The following INSYN2A variants were observed in gnomAD, a reference collection of about 807,000 sequenced individuals.
The protein encoded by INSYN2A is family with sequence similarity 196 member A.
Under a neutral mutation model 39.4 loss-of-function variants are expected in INSYN2A, and 17 were observed. The observed-to-expected ratio is 0.43, with a 90% CI of 0.30 to 0.65. The LOEUF (loss-of-function observed/expected upper bound fraction) is 0.65, where lower values mean the gene tolerates loss of function less well. INSYN2A is among the 30% of genes least tolerant of loss of function. The pLI, the probability that INSYN2A is intolerant of heterozygous loss-of-function variation, is 0.14. For missense variants in INSYN2A, 595 were observed against 631.2 expected (o/e 0.94, Z 0.61); for synonymous variants, 255 against 265.7 (o/e 0.96, Z 0.39).
chr10:127,144,947 A>G, intron 5 of INSYN2A, among the ~76,000 whole-genome samples: 1 of 151,580 alleles, frequency 6.6e-6, no homozygotes, highest in African/African-American at 2.4e-5. Context: ...TTATGATTAT[A>G]GTTTTTTTAA....
At chr10:127,185,076 C>T (rs887000564) in intron 2 of INSYN2A, among the ~76,000 whole-genome samples, 1 of 152,310 alleles carries the variant, frequency 6.6e-6, no homozygotes, top group South Asian at 2.1e-4. Context: ...AGGGTAGGCT[C>T]TACCTGGGAG....
intron 2 of INSYN2A, among the ~76,000 whole-genome samples, chr10:127,192,092 G>A (rs578137687): frequency 6.6e-6 from 1 of 152,254 alleles, no homozygotes; most frequent in African/African-American, 2.4e-5. Context: ...CATTCTATTG[G>A]ATAGAATAGT....
chr10:127,170,357 A>C (rs1424595510), intron 4 of INSYN2A, among the ~76,000 whole-genome samples: 3 of 152,180 alleles, frequency 2.0e-5, no homozygotes, highest in Non-Finnish European at 4.4e-5. Flanking sequence ...CCAAGCCTGC[A>C]GGTAACACCC....
chr10:127,145,381 G>A (rs1257354007), intron 5 of INSYN2A, among the ~76,000 whole-genome samples: 1 of 152,338 alleles, frequency 6.6e-6, no homozygotes, highest in South Asian at 2.1e-4. Flanking sequence ...AAGCCAGGAA[G>A]ACGAGTCATG....
chr10:127,137,830 G>A lies in INSYN2A; in HGVS notation c.*7C>T, dbSNP rs777987451. 6.8e-6 allele frequency: 11 copies of A among 1,609,524 alleles called. No homozygotes were observed. The highest frequency in any genetic ancestry group is 6.8e-5 in the Admixed American group (4 of 58,988). The stretch of plus-strand genomic sequence containing the variant: ...AGACGGCCTCGAGACTCCAGACACC[G>A]TGAGTGTTAAAGGAACCAGAGTTTC... On this transcript the variant is annotated 3_prime_UTR_variant, in exon 6 of 6. Coordinates refer to ENST00000522781, the MANE Select transcript of INSYN2A (RefSeq NM_001039762.3).
chr10:127,186,203 T>C (rs2056216403), intron 2 of INSYN2A, among the ~76,000 whole-genome samples: 1 of 152,174 alleles, frequency 6.6e-6, no homozygotes, highest in Non-Finnish European at 1.5e-5. Flanking sequence ...CACACTGCTA[T>C]GAAGAAATGC....
At chr10:127,184,869 C>T (rs894349242) in intron 2 of INSYN2A, among the ~76,000 whole-genome samples, 1 of 152,196 alleles carries the variant, frequency 6.6e-6, no homozygotes, top group Non-Finnish European at 1.5e-5. Context: ...CTGTCACCTT[C>T]ATTTACTCAC....
intron 4 of INSYN2A, among the ~76,000 whole-genome samples, chr10:127,164,121 T>G (rs1483197266): frequency 6.7e-6 from 1 of 148,540 alleles, no homozygotes; most frequent in Non-Finnish European, 1.5e-5. Flanking sequence ...TCTCCTCTCT[T>G]TCTCCCTTGG....
intron 2 of INSYN2A, among the ~76,000 whole-genome samples, chr10:127,185,078 A>C (rs1395005830): frequency 6.6e-6 from 1 of 152,168 alleles, no homozygotes; most frequent in Non-Finnish European, 1.5e-5. Flanking sequence ...GGTAGGCTCT[A>C]CCTGGGAGAT....
chr10:127,190,202 G>A (rs2134082869), intron 2 of INSYN2A, among the ~76,000 whole-genome samples: 1 of 152,272 alleles, frequency 6.6e-6, no homozygotes, highest in East Asian at 1.9e-4. Flanking sequence ...TTCACCAAAG[G>A]AATCGCTGAG....
rs560284219 is a variant in INSYN2A, at chr10:127,159,145, A to G, written c.1185-5222T>C. Among the ~76,000 whole-genome samples, 44 of 152,340 alleles carry G rather than the reference A, an allele frequency of 2.9e-4. No homozygotes were observed. In the South Asian group the frequency reaches 8.7e-3, roughly 30 times the overall value. On this transcript the variant is annotated intron_variant, in intron 4 of 5. Transcript: ENST00000522781. ...TGATGCTCTGTTAGAAACAGAAGGG[A>G]TCTGGACAAGCCAATTCTACAAGGT...
intron 2 of INSYN2A, among the ~76,000 whole-genome samples, chr10:127,178,457 G>A (rs895972942): frequency 1.3e-5 from 2 of 152,128 alleles, no homozygotes; most frequent in Admixed American, 6.6e-5. Flanking sequence ...AAGTAGCACC[G>A]CTCCCTCCCA....
intron 4 of INSYN2A, among the ~76,000 whole-genome samples, chr10:127,168,696 T>C (rs1415318289): frequency 6.6e-6 from 1 of 152,144 alleles, no homozygotes; most frequent in African/African-American, 2.4e-5. Context: ...CATAGCCAAA[T>C]TGGGATGGGA....
intron 4 of INSYN2A, among the ~76,000 whole-genome samples, chr10:127,173,471 G>A (rs990481823): frequency 6.6e-6 from 1 of 152,114 alleles, no homozygotes; most frequent in Non-Finnish European, 1.5e-5. Flanking sequence ...CCCATATATC[G>A]TACGGTTTTC....
Position 127,175,634 on chromosome 10 carries a change from G to A in INSYN2A, c.762C>T (p.Ala254=). The change falls in exon 4 of 6, where the codon GCC becomes GCT. Residue 254 remains alanine (A), a synonymous_variant. Coordinates refer to ENST00000522781, the MANE Select transcript of INSYN2A (RefSeq NM_001039762.3). The surrounding 1 kb of genome is among the most constrained non-coding windows in gnomAD (Gnocchi z 6.3). ...ALRRVFKTEV[A]TVYAPALSAR... is the part of the protein sequence containing the mutation. ...CACTGAGGGCAGGTGCGTAAACGGT[G>A]GCAACCTCCGTTTTAAACACCCTCC... The A allele has an allele frequency of 1.2e-6, 2 of 1,613,216 alleles. No homozygotes were observed. The highest frequency in any genetic ancestry group is 1.1e-5 in the South Asian group (1 of 91,082).
chr10:127,194,269 A>G (rs1288001368), intron 1 of INSYN2A, among the ~76,000 whole-genome samples: 3 of 152,246 alleles, frequency 2.0e-5, no homozygotes, highest in Non-Finnish European at 4.4e-5. Context: ...CGCCTCTAAT[A>G]AAACCATCGT....
chr10:127,155,717 A>G (rs1328296971), intron 4 of INSYN2A, among the ~76,000 whole-genome samples: 13 of 152,082 alleles, frequency 8.5e-5, no homozygotes, highest in Admixed American at 8.5e-4. Context: ...CTTCCACATG[A>G]TGACATCACC....
In INSYN2A at chr10:127,175,161, CTG is replaced by C. The variant is rs1259901797; in HGVS notation, c.1184+49_1184+50del. On this transcript the variant is annotated intron_variant, in intron 4 of 5. Coordinates refer to ENST00000522781, the MANE Select transcript of INSYN2A (RefSeq NM_001039762.3). The surrounding 1 kb of genome is among the most constrained non-coding windows in gnomAD (Gnocchi z 6.3). ...TTGGGTTTGGGGCTACAGATGGACT[CTG>C]TGGTGATCAGCCTGCATAGCTTCCT... 3 of 1,480,356 alleles carry C rather than the reference CTG, an allele frequency of 2.0e-6. No individual in the cohort carries two copies. The highest frequency in any genetic ancestry group is 1.8e-5 in the Admixed American group (1 of 56,036). The allele number at this position is 1,480,356 out of a possible 1,614,324, so 91.7% of individuals were successfully genotyped here. A position where few individuals can be genotyped will look rare whatever the true frequency, so the allele number is the denominator to read the frequency against.
intron 5 of INSYN2A, among the ~76,000 whole-genome samples, chr10:127,139,049 C>T (rs148332974): frequency 2.6e-5 from 4 of 152,280 alleles, no homozygotes; most frequent in African/African-American, 4.8e-5. Flanking sequence ...GCGTTCTGGG[C>T]CAGGCCTTGG....
Sources: allele counts gnomAD v4.1 joint callset (sites outside exome capture counted in the v4.1 genomes callset), GRCh38; gene constraint gnomAD v4.1.1; non-coding constraint Gnocchi (gnomAD v3.1); transcripts MANE v1.5; gene names NCBI Gene and HGNC (gene_info 2026-07-23, HGNC 2026-07-21).